The following CNTN6 variants were observed in gnomAD, a reference collection of about 807,000 sequenced individuals.
CNTN6 encodes the protein contactin 6.
Under a neutral mutation model 122.8 loss-of-function variants are expected in CNTN6, and 137 were observed. The ratio of observed to expected loss-of-function variants is 1.12; its 90% confidence interval spans 0.97 to 1.29. The LOEUF is 1.29. CNTN6 is among the 50% of genes most tolerant of loss of function. The pLI is 0.00. For synonymous variants in CNTN6, 570 were observed against 426.0 expected (o/e 1.34, Z -4.16); for missense variants, 1,634 against 1,223.4 (o/e 1.34, Z -5.01).
intron 2 of CNTN6, among the ~76,000 whole-genome samples, chr3:1,158,819 C>T (rs1271658340): frequency 4.1e-5 from 1 of 24,100 alleles, no homozygotes; most frequent in South Asian, 9.8e-4. Context: ...TATATATACA[C>T]ACACATATAT....
At chr3:1,161,800 A>G (rs1274532179) in intron 2 of CNTN6, among the ~76,000 whole-genome samples, 1 of 151,556 alleles carries the variant, frequency 6.6e-6, no homozygotes, top group Non-Finnish European at 1.5e-5. Context: ...ACACACACAC[A>G]CAAACATATA....
chr3:1,402,514 G>T (rs528517089), intron 22 of CNTN6, 28 bp downstream of exon 22: 1 of 1,573,246 alleles, frequency 6.4e-7, no homozygotes, highest in South Asian at 1.1e-5. Flanking sequence ...TGCTGTAGTA[G>T]ATTCTGAACC....
intron 7 of CNTN6, among the ~76,000 whole-genome samples, chr3:1,319,833 GAAAATAAAAT>G (rs61076777): frequency 0.032 from 4,323 of 136,066 alleles, 80 homozygotes; most frequent in African/African-American, 0.049. Flanking sequence ...ACAGAGAGCA[GAAAATAAAAT>G]AAAATAAAAT....
intron 2 of CNTN6, among the ~76,000 whole-genome samples, chr3:1,161,774 AC>A (rs2093139081): frequency 7.1e-6 from 1 of 140,258 alleles, no homozygotes; most frequent in African/African-American, 2.9e-5. Context: ...ATGTATACAC[AC>A]ACACACACAC....
At chr3:1,160,760 A>G (rs754930982) in intron 2 of CNTN6, among the ~76,000 whole-genome samples, 15 of 151,672 alleles carry the variant, frequency 9.9e-5, no homozygotes, top group Non-Finnish European at 1.5e-4. Context: ...ATTTTTATTT[A>G]TCTCTAGTTG....
intron 2 of CNTN6, among the ~76,000 whole-genome samples, chr3:1,175,222 CAAAAAAAAAAAAAA>C (rs61606722): frequency 1.3e-5 from 1 of 76,850 alleles, no homozygotes; most frequent in Non-Finnish European, 2.5e-5. Flanking sequence ...GACTTTGTCT[CAAAAAAAAAAAAAA>C]AAAAAAAAGA....
intron 1 of CNTN6, among the ~76,000 whole-genome samples, chr3:1,133,107 G>A (rs771711962): frequency 1.3e-5 from 2 of 152,074 alleles, no homozygotes; most frequent in Non-Finnish European, 2.9e-5. Context: ...AAAAGGAGAC[G>A]TGCCGCAAAT....
intron 20 of CNTN6, among the ~76,000 whole-genome samples, chr3:1,388,576 G>A (rs1036668815): frequency 1.3e-5 from 2 of 150,394 alleles, no homozygotes; most frequent in Admixed American, 6.6e-5. Context: ...TGACTTTGAC[G>A]AGCTGAGAGA....
chr3:1,123,301 T>C (rs78241423), intron 1 of CNTN6, among the ~76,000 whole-genome samples: 2,207 of 151,952 alleles, frequency 0.015, 57 homozygotes, highest in African/African-American at 0.05. Flanking sequence ...TTTCTATTTA[T>C]TAGATCTTCT....
chr3:1,224,511 T>C (rs1575310241), intron 3 of CNTN6, among the ~76,000 whole-genome samples: 1 of 152,218 alleles, frequency 6.6e-6, no homozygotes. Context: ...CATACATGTA[T>C]GAAAACATCA....
In CNTN6 at chr3:1,141,936, T is replaced by C. The variant is rs187805926; in HGVS notation, c.-82-5991T>C. Among the ~76,000 whole-genome samples the C allele has an allele frequency of 5.6e-3, 858 of 152,192 alleles. 9 individuals are homozygous for C. The highest frequency in any genetic ancestry group is 0.026 in the South Asian group (124 of 4,814). Reference sequence around the variant, plus strand: ...TCAAGAAATTGACCCTAGTTCTCACTGGAAAAAATAAAGTTGGAAAACTCC... The same window carrying C: ...TCAAGAAATTGACCCTAGTTCTCACCGGAAAAAATAAAGTTGGAAAACTCC... On this transcript the variant is annotated intron_variant, in intron 1 of 22. Transcript: ENST00000446702.
chr3:1,157,556 G>A (rs1370206156), intron 2 of CNTN6, among the ~76,000 whole-genome samples: 1 of 152,112 alleles, frequency 6.6e-6, no homozygotes, highest in Non-Finnish European at 1.5e-5. Context: ...TTATTGACTA[G>A]AGTCACCCTG....
At chr3:1,226,711 A>AT (rs1392748871) in intron 3 of CNTN6, among the ~76,000 whole-genome samples, 1 of 151,806 alleles carries the variant, frequency 6.6e-6, no homozygotes, top group Non-Finnish European at 1.5e-5. Context: ...GTTTTTTAGG[A>AT]TTTTTTTTCT....
At chr3:1,257,932 T>A (rs1575450672) in intron 4 of CNTN6, among the ~76,000 whole-genome samples, 1 of 152,200 alleles carries the variant, frequency 6.6e-6, no homozygotes, top group Non-Finnish European at 1.5e-5. Context: ...TAAGACCAAA[T>A]GCAGCATCTA....
chr3:1,217,362 A>G (rs2094143444), intron 2 of CNTN6, among the ~76,000 whole-genome samples: 3 of 152,210 alleles, frequency 2.0e-5, no homozygotes, highest in Admixed American at 1.3e-4. Flanking sequence ...CTGGACTTCA[A>G]ATTAAGTCCT....
chr3:1,202,558 ATAAATAAATAAAT>A (rs2093898891), intron 2 of CNTN6, among the ~76,000 whole-genome samples: 1 of 54,698 alleles, frequency 1.8e-5, no homozygotes, highest in African/African-American at 7.5e-5. Flanking sequence ...AAATAAATAA[ATAAATAAATAAAT>A]AAATAAATAA....
rs905781533 is a variant in CNTN6, at chr3:1,384,673, TATATATATATATATAC to T, written c.2518-936_2518-921del. Among the ~76,000 whole-genome samples, 12 of 107,162 alleles carry T rather than the reference TATATATATATATATAC, an allele frequency of 1.1e-4. No homozygotes were observed. The South Asian group carries it at 2.1e-3, about 19-fold the overall frequency. 70.3% of individuals were successfully genotyped at this position (107,162 alleles called of 152,430 possible). ...AAACATTCTTAATTTTGCCTATATA[TATATATATATATATAC>T]ACACACACACACGTATACATATACA... On this transcript the variant is annotated intron_variant, in intron 19 of 22. Transcript: ENST00000446702.
intron 1 of CNTN6, among the ~76,000 whole-genome samples, chr3:1,116,657 G>A (rs1167424374): frequency 6.9e-6 from 1 of 145,398 alleles, no homozygotes; most frequent in Non-Finnish European, 1.5e-5. Context: ...ATTGTTACCT[G>A]TTAAAATTGG....
At chr3:1,131,233 C>T (rs553280454) in intron 1 of CNTN6, among the ~76,000 whole-genome samples, 1 of 152,122 alleles carries the variant, frequency 6.6e-6, no homozygotes, top group South Asian at 2.1e-4. Context: ...GTGCTGAGCT[C>T]AGAAGTAAGT....
Sources: allele counts gnomAD v4.1 joint callset (sites outside exome capture counted in the v4.1 genomes callset), GRCh38; gene constraint gnomAD v4.1.1; transcripts MANE v1.5; gene names NCBI Gene and HGNC (gene_info 2026-07-23, HGNC 2026-07-21).